FOXJ3: variants seen among roughly 807,000 people sequenced by gnomAD.
FOXJ3 encodes forkhead box J3, also known as forkhead box protein J3.
Under a neutral mutation model 76.1 loss-of-function variants are expected in FOXJ3, and 22 were observed. That is an observed-to-expected ratio of 0.29 (90% CI 0.21 to 0.41). The LOEUF is 0.41. Ranked by LOEUF, FOXJ3 falls within the 10% of genes least tolerant of loss-of-function variation. The pLI is 1.00. For missense variants in FOXJ3, 613 were observed against 762.1 expected, an observed-to-expected ratio of 0.80 and a Z score of 2.30; for synonymous variants, 269 against 261.2, an observed-to-expected ratio of 1.03 and a Z score of -0.29.
Position 42,210,223 on chromosome 1 carries a change from A to G in FOXJ3, c.529-4360T>C, listed in dbSNP as rs780052530. ...CCAACAGCCACGGAACTGCCCTCTG[A>G]CCCCCACTGGGGCCACTGCTTGCAC... is the stretch of plus-strand genomic sequence containing the variant. On this transcript the variant is annotated intron_variant, in intron 5 of 12. Transcript: ENST00000361346. Among the ~76,000 whole-genome samples, 75 of 152,102 alleles carry G rather than the reference A, an allele frequency of 4.9e-4. 1 individual carries two copies. The highest frequency in any genetic ancestry group is 8.5e-4 in the Non-Finnish European group (58 of 67,964).
intron 3 of FOXJ3, among the ~76,000 whole-genome samples, chr1:42,265,593 G>C (rs981262764): frequency 6.6e-6 from 1 of 152,090 alleles, no homozygotes; most frequent in South Asian, 2.1e-4. Context: ...AATGCAAAAT[G>C]TAAGAAGTTA....
intron 4 of FOXJ3, among the ~76,000 whole-genome samples, chr1:42,254,166 A>G (rs1218677240): frequency 6.6e-6 from 1 of 152,142 alleles, no homozygotes; most frequent in Non-Finnish European, 1.5e-5. Context: ...ATATGAACAG[A>G]CACTCCTCAA....
chr1:42,205,040 G>A (rs1297649090), intron 6 of FOXJ3, among the ~76,000 whole-genome samples: 1 of 152,102 alleles, frequency 6.6e-6, no homozygotes, highest in Non-Finnish European at 1.5e-5. Context: ...AAACAAGACT[G>A]AAAGAGAATC....
chr1:42,329,284 C>G (rs1656019346), intron 1 of FOXJ3, among the ~76,000 whole-genome samples: 1 of 152,210 alleles, frequency 6.6e-6, no homozygotes, highest in Admixed American at 6.5e-5. Context: ...CTGGTTATAA[C>G]AAATTCTATT....
chr1:42,182,165 C>G, intron 11 of FOXJ3, 141 bp from the exon 12 acceptor site: 1 of 575,728 alleles, frequency 1.7e-6, no homozygotes, highest in Non-Finnish European at 3.1e-6. Context: ...AAATATTACT[C>G]CTTTCAGATG....
intron 12 of FOXJ3, among the ~76,000 whole-genome samples, chr1:42,180,259 C>T (rs1447860155): frequency 6.6e-6 from 1 of 152,152 alleles, no homozygotes. Flanking sequence ...CTGAATTTTC[C>T]CCAGCAAGCT....
intron 4 of FOXJ3, among the ~76,000 whole-genome samples, chr1:42,246,643 A>C (rs988757455): frequency 3.9e-5 from 6 of 152,036 alleles, no homozygotes; most frequent in African/African-American, 1.2e-4. Context: ...AAAAAAAAAA[A>C]ACACTAAAAA....
chr1:42,228,811 G>C (rs1267625388), intron 4 of FOXJ3, among the ~76,000 whole-genome samples: 1 of 152,138 alleles, frequency 6.6e-6, no homozygotes, highest in Non-Finnish European at 1.5e-5. Context: ...GTTCAAGAAA[G>C]GGAAAGAGGG....
intron 2 of FOXJ3, among the ~76,000 whole-genome samples, chr1:42,286,882 C>T (rs1190300282): frequency 1.3e-5 from 2 of 152,062 alleles, no homozygotes; most frequent in African/African-American, 4.8e-5. Flanking sequence ...GATCCGCCTG[C>T]TTCGGCCTCC....
chr1:42,260,265 A>G (rs955041841), intron 4 of FOXJ3, among the ~76,000 whole-genome samples: 2 of 152,314 alleles, frequency 1.3e-5, no homozygotes, highest in South Asian at 4.1e-4. Flanking sequence ...CCAAAATGGG[A>G]TACCAGAGAT....
At chr1:42,302,025 C>T (rs1306822822) in intron 2 of FOXJ3, among the ~76,000 whole-genome samples, 1 of 152,060 alleles carries the variant, frequency 6.6e-6, no homozygotes, top group Non-Finnish European at 1.5e-5. Context: ...GGTCTTTTGG[C>T]TTTAGTTCTG....
intron 5 of FOXJ3, among the ~76,000 whole-genome samples, chr1:42,222,046 G>GAGAAGAAGA (rs1161062102): frequency 0.038 from 341 of 8,914 alleles, 27 homozygotes; most frequent in East Asian, 0.06. Context: ...GAAGGAGAAG[G>GAGAAGAAGA]AGAAGAAGAA....
At chr1:42,295,907 C>A (rs558120051) in intron 2 of FOXJ3, among the ~76,000 whole-genome samples, 1 of 152,294 alleles carries the variant, frequency 6.6e-6, no homozygotes, top group African/African-American at 2.4e-5. Flanking sequence ...AAAGGTAGTT[C>A]TATTTTTAGT....
At chr1:42,285,887 T>C (rs1194851607) in intron 2 of FOXJ3, among the ~76,000 whole-genome samples, 1 of 152,216 alleles carries the variant, frequency 6.6e-6, no homozygotes, top group Non-Finnish European at 1.5e-5. Flanking sequence ...ATTCTGGATA[T>C]GTAGAGTGCA....
chr1:42,205,732 T>A (rs745507225), intron 6 of FOXJ3, 30 bp downstream of exon 6: 10 of 1,215,114 alleles, frequency 8.2e-6, no homozygotes, highest in Non-Finnish European at 9.8e-6. Flanking sequence ...CTCAATGACA[T>A]TTCAATAATG....
chr1:42,308,121 GC>G (rs1263999946), intron 2 of FOXJ3, among the ~76,000 whole-genome samples: 3 of 152,058 alleles, frequency 2.0e-5, no homozygotes, highest in Non-Finnish European at 2.9e-5. Flanking sequence ...ACTCCCACCT[GC>G]CTATCCATTT....
chr1:42,241,828 C>T (rs185839168), intron 4 of FOXJ3, among the ~76,000 whole-genome samples: 3 of 152,172 alleles, frequency 2.0e-5, no homozygotes, highest in Admixed American at 2.0e-4. Flanking sequence ...CCAATTGGAC[C>T]CACTAACACC....
chr1:42,228,762 T>TAC (rs1275146083), intron 4 of FOXJ3, among the ~76,000 whole-genome samples: 1 of 151,932 alleles, frequency 6.6e-6, no homozygotes, highest in Admixed American at 6.6e-5. Context: ...CCTGCCTCTA[T>TAC]ACACACACAC....
At chr1:42,286,916 G>A (rs1653093581) in intron 2 of FOXJ3, among the ~76,000 whole-genome samples, 1 of 152,154 alleles carries the variant, frequency 6.6e-6, no homozygotes, top group East Asian at 1.9e-4. Flanking sequence ...TTACAGGCGT[G>A]AGCCACCACG....
Sources: gnomAD v4.1 joint callset for allele counts (sites outside exome capture counted in the v4.1 genomes callset) on GRCh38, gnomAD v4.1.1 for gene constraint, MANE v1.5 for transcripts, NCBI Gene and HGNC (gene_info 2026-07-23, HGNC 2026-07-21) for gene names.